Variants in ZNF385D observed in about 807,000 individuals in gnomAD.
The protein encoded by ZNF385D is zinc finger protein 659.
ZNF385D carries 15 observed loss-of-function variants against 35.8 expected under a neutral mutation model. The ratio of observed to expected loss-of-function variants is 0.42; its 90% CI spans 0.28 to 0.64. The LOEUF (loss-of-function observed/expected upper bound fraction) is 0.64. Among genes scored for constraint, ZNF385D ranks in the 30% least tolerant of loss-of-function variants. The probability of loss-of-function intolerance (pLI) is 0.23; values close to 1 mark genes in which losing one functional copy is unlikely to be tolerated. For synonymous variants in ZNF385D, 212 were observed against 186.8 expected, an observed-to-expected ratio of 1.13 and a Z score of -1.10; for missense variants, 474 against 494.6, an observed-to-expected ratio of 0.96 and a Z score of 0.39.
intron 3 of ZNF385D, among the ~76,000 whole-genome samples, chr3:22,095,162 T>C (rs1426834643): frequency 2.0e-5 from 3 of 148,292 alleles, no homozygotes; most frequent in African/African-American, 7.4e-5. Flanking sequence ...CTAAAACTCC[T>C]GGCCTCAAGT....
At chr3:21,855,369 C>T (rs958101235) in intron 3 of ZNF385D, among the ~76,000 whole-genome samples, 31 of 151,998 alleles carry the variant, frequency 2.0e-4, no homozygotes, top group African/African-American at 7.0e-4. Context: ...TGAAAAGATG[C>T]ATACTGTACA....
At chr3:22,039,032 C>G (rs1311700344) in intron 3 of ZNF385D, among the ~76,000 whole-genome samples, 1 of 151,308 alleles carries the variant, frequency 6.6e-6, no homozygotes, top group Non-Finnish European at 1.5e-5. Flanking sequence ...ATGTAGTGAT[C>G]TGAAGAAGCT....
At chr3:21,752,925 G>A (rs1466088157), upstream of ZNF385D, among the ~76,000 whole-genome samples, 1 of 152,164 alleles carries the variant, frequency 6.6e-6, no homozygotes, top group Non-Finnish European at 1.5e-5. Context: ...CATGAAGCCT[G>A]TAAGCTGCCT....
At chr3:21,569,105 C>A (rs573740940) in intron 2 of ZNF385D, among the ~76,000 whole-genome samples, 18 of 152,182 alleles carry the variant, frequency 1.2e-4, no homozygotes, top group Middle Eastern at 3.4e-3. Flanking sequence ...GAGTTCAATT[C>A]CTGGGTATCC....
intron 2 of ZNF385D, among the ~76,000 whole-genome samples, chr3:22,315,817 C>G (rs1240990577): frequency 2.4e-4 from 37 of 152,080 alleles, no homozygotes; most frequent in Admixed American, 2.4e-3. Flanking sequence ...TAGCCCCTCC[C>G]TAAAACTGAT....
chr3:22,119,618 C>G (rs1327525173), intron 3 of ZNF385D, among the ~76,000 whole-genome samples: 1 of 152,066 alleles, frequency 6.6e-6, no homozygotes, highest in Non-Finnish European at 1.5e-5. Flanking sequence ...ATCATTTGCT[C>G]TGCTTTTATA....
chr3:22,082,671 C>G (rs1450974512), intron 3 of ZNF385D, among the ~76,000 whole-genome samples: 1 of 152,198 alleles, frequency 6.6e-6, no homozygotes, highest in African/African-American at 2.4e-5. Flanking sequence ...ACTTAAACAT[C>G]CCTGTCTGAC....
intron 3 of ZNF385D, among the ~76,000 whole-genome samples, chr3:21,784,033 T>C (rs902435747): frequency 1.3e-5 from 2 of 152,270 alleles, no homozygotes; most frequent in Non-Finnish European, 2.9e-5. Context: ...GTTATCAGCA[T>C]TGCCAGACTA....
At chr3:21,491,119 A>G (rs896798389) in intron 4 of ZNF385D, among the ~76,000 whole-genome samples, 2 of 136,548 alleles carry the variant, frequency 1.5e-5, no homozygotes, top group Non-Finnish European at 3.1e-5. Flanking sequence ...TTAGTAGAGA[A>G]AACTGAAATG....
intron 2 of ZNF385D, among the ~76,000 whole-genome samples, chr3:22,294,317 C>A (rs1559503641): frequency 6.6e-6 from 1 of 151,990 alleles, no homozygotes; most frequent in Non-Finnish European, 1.5e-5. Flanking sequence ...TGTACAACTT[C>A]CCTCCTTAAT....
chr3:22,301,067 T>G (rs4858395), intron 2 of ZNF385D, among the ~76,000 whole-genome samples: 103,610 of 151,794 alleles, frequency 0.68, 36,263 homozygotes, highest in African/African-American at 0.84. Flanking sequence ...AGAAAACGTG[T>G]TCTACATAGA....
chr3:21,791,115 T>C (rs2071909644), intron 3 of ZNF385D, among the ~76,000 whole-genome samples: 1 of 152,216 alleles, frequency 6.6e-6, no homozygotes, highest in Non-Finnish European at 1.5e-5. Context: ...TCATGAGAAG[T>C]AAATGCCTTT....
At chr3:21,439,333 C>T (rs918779599) in intron 4 of ZNF385D, among the ~76,000 whole-genome samples, 4 of 143,254 alleles carry the variant, frequency 2.8e-5, no homozygotes, top group African/African-American at 1.0e-4. Flanking sequence ...GGGAATGATA[C>T]TCTTGGCCAT....
At chr3:22,270,817 A>G (rs1701137044) in intron 2 of ZNF385D, among the ~76,000 whole-genome samples, 1 of 152,006 alleles carries the variant, frequency 6.6e-6, no homozygotes, top group Admixed American at 6.6e-5. Context: ...AATGTATTGA[A>G]CTTACTTATG....
chr3:21,718,303 G>A (rs1038625878), intron 1 of ZNF385D, among the ~76,000 whole-genome samples: 2 of 152,114 alleles, frequency 1.3e-5, no homozygotes, highest in African/African-American at 4.8e-5. Flanking sequence ...GATCCCTTGG[G>A]GTTGATATGA....
intron 2 of ZNF385D, among the ~76,000 whole-genome samples, chr3:22,352,627 A>G (rs1695968396): frequency 1.3e-5 from 2 of 152,180 alleles, no homozygotes. Flanking sequence ...CCAGGTCTCT[A>G]TAACTTCCTA....
chr3:21,740,108 A>C (rs2069437714), intron 1 of ZNF385D, among the ~76,000 whole-genome samples: 1 of 152,266 alleles, frequency 6.6e-6, no homozygotes, highest in Admixed American at 6.5e-5. Context: ...ACATCCTGAA[A>C]ACCCTCTAAG....
intron 2 of ZNF385D, among the ~76,000 whole-genome samples, chr3:21,638,918 T>C (rs1281864052): frequency 1.3e-5 from 2 of 152,036 alleles, no homozygotes; most frequent in Non-Finnish European, 2.9e-5. Context: ...TACACACATA[T>C]GCATTGGTAA....
At chr3:21,777,612 A>G (rs1296389220) in intron 3 of ZNF385D, 1 of 151,886 alleles carries the variant, frequency 6.6e-6, no homozygotes, top group Non-Finnish European at 1.5e-5. Context: ...GCTTACATAG[A>G]TCTTCCCATT....
Sources: allele counts gnomAD v4.1 joint callset (sites outside exome capture counted in the v4.1 genomes callset), GRCh38; gene constraint gnomAD v4.1.1; transcripts MANE v1.5; gene names NCBI Gene and HGNC (gene_info 2026-07-23, HGNC 2026-07-21).